Variants in CAGE1 observed in about 807,000 individuals in gnomAD.
The protein encoded by CAGE1 is cancer antigen 1.
CAGE1 carries 66 observed loss-of-function variants against 94.9 expected under a neutral mutation model. That is an observed-to-expected ratio of 0.70 (90% CI 0.57 to 0.85). The LOEUF is 0.85. CAGE1 is among the 40% of genes least tolerant of loss of function. The pLI, the probability that CAGE1 is intolerant of heterozygous loss-of-function variation, is 0.00. For synonymous variants in CAGE1, 319 were observed against 321.0 expected, an observed-to-expected ratio of 0.99 and a Z score of 0.07; for missense variants, 865 against 950.4, an observed-to-expected ratio of 0.91 and a Z score of 1.18.
At chr6:7,342,703 G>C (rs181765632) in intron 11 of CAGE1, among the ~76,000 whole-genome samples, 67 of 152,280 alleles carry the variant, frequency 4.4e-4, no homozygotes, top group Non-Finnish European at 9.0e-4. Context: ...TTGGGTTCTT[G>C]GTCATGAAGT....
At position 7,355,085 on chromosome 6, in the gene CAGE1, T is replaced by C. The variant is rs1372290703; in HGVS notation, c.2325A>G (p.Glu775=). 3.1e-6 allele frequency: 5 copies of C among 1,608,718 alleles called. No individual in the cohort carries two copies. The Admixed American group carries it at 8.4e-5, about 27-fold the overall frequency. ...KKVTSYEEII[E]CADQRLAISH... ...ATATTGCAAGCCTTTGGTCAGCACA[T>C]TCAATGATTTCTTCATATGATGTAA... The change falls in exon 11 of 14, where the codon GAA becomes GAG. Residue 775 remains glutamate (E), a synonymous_variant. Coordinates refer to ENST00000502583, the MANE Select transcript of CAGE1 (RefSeq NM_001170692.2).
At chr6:7,328,691 A>C (rs921742619) in intron 13 of CAGE1, among the ~76,000 whole-genome samples, 2 of 152,096 alleles carry the variant, frequency 1.3e-5, no homozygotes, top group South Asian at 2.1e-4. Context: ...GTTCTGTAAC[A>C]CTGCAGGGTA....
intron 9 of CAGE1, among the ~76,000 whole-genome samples, chr6:7,360,440 A>G (rs1309547686): frequency 6.6e-6 from 1 of 152,210 alleles, no homozygotes; most frequent in Non-Finnish European, 1.5e-5. Flanking sequence ...TACTTGCATT[A>G]ACACACTTTC....
In CAGE1 at chr6:7,373,912, T is replaced by C. The variant is rs1162703657; in HGVS notation, c.907A>G (p.Met303Val). 1 of 1,614,020 alleles carries C rather than the reference T, an allele frequency of 6.2e-7. No homozygotes were observed. Among genetic ancestry groups the C allele is most frequent in the South Asian group, 1.1e-5 (1 of 91,086 alleles). ...TTCTGCAAGACTTCATTTAAAGCCA[T>C]GTCCTCTTGAACAGGTTGTAAGCTT... ...AESLQPVQED[M>V]ALNEVLQKLK... Residue 303 changes from methionine to valine, a missense_variant, in exon 5 of 14, where the codon ATG becomes GTG. Met to Val is a conservative substitution (Grantham distance 21). Coordinates refer to ENST00000502583, the MANE Select transcript of CAGE1 (RefSeq NM_001170692.2).
intron 11 of CAGE1, among the ~76,000 whole-genome samples, chr6:7,351,646 AACTGAGTCC>A (rs1462734702): frequency 6.6e-6 from 1 of 151,756 alleles, no homozygotes; most frequent in Non-Finnish European, 1.5e-5. Context: ...AATACTAGCT[AACTGAGTCC>A]AACAACATAT....
In CAGE1 at chr6:7,385,854, C is replaced by T. The variant is rs1322855656; in HGVS notation, c.214G>A (p.Glu72Lys). The change falls in exon 3 of 14, where the codon GAA becomes AAA. Residue 72 changes from glutamate (E) to lysine (K), a missense_variant. By Grantham distance (56) the Glu-to-Lys change is moderately conservative. Coordinates refer to ENST00000502583, the MANE Select transcript of CAGE1 (RefSeq NM_001170692.2). ...DLPQNEIKNFERENEYESTLC... is the reference protein window; with the variant it reads ...DLPQNEIKNFKRENEYESTLC... The stretch of plus-strand genomic sequence containing the variant: ...GTGGATTCATACTCATTTTCCCTTT[C>T]AAAATTCTTTATTTCGTTCTGTATT... The T allele has an allele frequency of 2.6e-6, 4 of 1,535,768 alleles. No homozygotes were observed. The highest frequency in any genetic ancestry group is 1.8e-6 in the Non-Finnish European group (2 of 1,140,386).
chr6:7,334,590 T>C (rs1758884684), intron 11 of CAGE1, among the ~76,000 whole-genome samples: 1 of 151,560 alleles, frequency 6.6e-6, no homozygotes, highest in South Asian at 2.1e-4. Context: ...TAGCCGGGCA[T>C]GGTGGCACAT....
intron 11 of CAGE1, among the ~76,000 whole-genome samples, chr6:7,347,831 G>T (rs1201232950): frequency 1.3e-5 from 2 of 151,992 alleles, no homozygotes; most frequent in East Asian, 3.9e-4. Flanking sequence ...GCATGACTCA[G>T]CAGAGGCAGC....
rs879222757 is a variant in CAGE1, at chr6:7,329,252, C to T, written c.2478+597G>A. ...CCAGCCTGTATCCTATAAATATGTA[C>T]AAGTTATATGCCAACTAAAAAGAAA... On this transcript the variant is annotated intron_variant, in intron 13 of 13. Transcript: ENST00000502583. 1.8e-5 allele frequency: 7 copies of T among 398,146 alleles called. No individual in the cohort carries two copies. The South Asian group carries it at 4.1e-4, about 23-fold the overall frequency. The allele number at this position is 398,146 out of a possible 1,614,324, so 24.7% of individuals were successfully genotyped here.
At chr6:7,370,960 G>GTTAGAGAAA (rs935445775) in intron 5 of CAGE1, among the ~76,000 whole-genome samples, 3 of 152,188 alleles carry the variant, frequency 2.0e-5, no homozygotes, top group African/African-American at 7.2e-5. Flanking sequence ...TGAATTCAGT[G>GTTAGAGAAA]TTAGAGAAAT....
intron 12 of CAGE1, among the ~76,000 whole-genome samples, chr6:7,330,565 A>G (rs1758709444): frequency 6.6e-6 from 1 of 152,206 alleles, no homozygotes; most frequent in African/African-American, 2.4e-5. Flanking sequence ...TCGCTTTTGT[A>G]TCCTTATTTC....
At chr6:7,380,636 CAA>C (rs34895462) in intron 3 of CAGE1, among the ~76,000 whole-genome samples, 10 of 129,432 alleles carry the variant, frequency 7.7e-5, no homozygotes, top group Non-Finnish European at 8.3e-5. Flanking sequence ...GACTCCATCT[CAA>C]AAAAAAAAAA....
chr6:7,378,431 C>A (rs1384639788), intron 4 of CAGE1, among the ~76,000 whole-genome samples, 186 bp downstream of exon 4: 1 of 151,740 alleles, frequency 6.6e-6, no homozygotes, highest in African/African-American at 2.4e-5. Context: ...TGATTTAACA[C>A]TACTTGGAAA....
chr6:7,366,512 G>A (rs536428495), intron 7 of CAGE1, among the ~76,000 whole-genome samples: 1 of 152,204 alleles, frequency 6.6e-6, no homozygotes, highest in East Asian at 1.9e-4. Context: ...TCCTTCCAGG[G>A]GTCTGGAATT....
At chr6:7,388,982 G>T (rs879914581) in intron 1 of CAGE1, among the ~76,000 whole-genome samples, 1 of 152,146 alleles carries the variant, frequency 6.6e-6, no homozygotes, top group Non-Finnish European at 1.5e-5. Context: ...CAATCTGCCA[G>T]TTTACCTTTT....
intron 4 of CAGE1, among the ~76,000 whole-genome samples, chr6:7,376,544 C>T (rs977945050): frequency 6.6e-6 from 1 of 152,104 alleles, no homozygotes; most frequent in Non-Finnish European, 1.5e-5. Flanking sequence ...ATGCTGGCAC[C>T]ATGGACCTAG....
intron 2 of CAGE1, among the ~76,000 whole-genome samples, chr6:7,386,424 T>C (rs4960308): frequency 0.44 from 66,503 of 152,006 alleles, 15,115 homozygotes; most frequent in African/African-American, 0.56. Context: ...TTGTCATTTA[T>C]ATGCAGGGTG....
chr6:7,360,715 G>T (rs563314682), intron 9 of CAGE1, among the ~76,000 whole-genome samples: 1 of 152,202 alleles, frequency 6.6e-6, no homozygotes, highest in South Asian at 2.1e-4. Flanking sequence ...AGGCCAAGGC[G>T]GGTGAATCAC....
chr6:7,380,700 C>T (rs1348898659), intron 3 of CAGE1, among the ~76,000 whole-genome samples: 1 of 151,646 alleles, frequency 6.6e-6, no homozygotes, highest in East Asian at 1.9e-4. Context: ...CACATATATA[C>T]ATATATATGT....
Sources: allele counts gnomAD v4.1 joint callset (sites outside exome capture counted in the v4.1 genomes callset), GRCh38; gene constraint gnomAD v4.1.1; transcripts MANE v1.5; gene names NCBI Gene and HGNC (gene_info 2026-07-23, HGNC 2026-07-21).